The following NADSYN1 variants were observed in gnomAD, a reference collection of about 807,000 sequenced individuals.
NADSYN1 encodes the protein glutamine-dependent NAD(+) synthetase.
NADSYN1 carries 80 observed loss-of-function variants against 99.3 expected under a neutral mutation model. The ratio of observed to expected loss-of-function variants is 0.81; its 90% CI spans 0.67 to 0.97. NADSYN1 has a LOEUF of 0.97. Among genes scored for constraint, NADSYN1 ranks in the 50% least tolerant of loss-of-function variants. NADSYN1 has a pLI of 0.00. For missense variants in NADSYN1, 859 were observed against 948.5 expected (o/e 0.91, Z 1.24); for synonymous variants, 385 against 372.1 (o/e 1.03, Z -0.40).
intron 5 of NADSYN1, among the ~76,000 whole-genome samples, chr11:71,468,002 A>G (rs1949603841): frequency 6.6e-6 from 1 of 152,234 alleles, no homozygotes; most frequent in Non-Finnish European, 1.5e-5. Flanking sequence ...GCAGAGATTC[A>G]GCAGCTAGAG....
chr11:71,494,778 C>A (rs777076420), intron 18 of NADSYN1, among the ~76,000 whole-genome samples: 10 of 152,152 alleles, frequency 6.6e-5, no homozygotes, highest in Non-Finnish European at 1.3e-4. Context: ...TGGTGTCGAA[C>A]TCCCGACCTC....
chr11:71,467,802 A>G (rs1949602581), intron 5 of NADSYN1, among the ~76,000 whole-genome samples: 2 of 152,222 alleles, frequency 1.3e-5, no homozygotes, highest in South Asian at 2.1e-4. Context: ...AAGAGGCGGT[A>G]TTTGAAAGAA....
At chr11:71,477,606 T>C (rs1265632991) in intron 9 of NADSYN1, among the ~76,000 whole-genome samples, 1 of 152,210 alleles carries the variant, frequency 6.6e-6, no homozygotes, top group Non-Finnish European at 1.5e-5. Context: ...CATGAAGGAA[T>C]AACCCCTATG....
intron 5 of NADSYN1, among the ~76,000 whole-genome samples, chr11:71,468,511 T>C (rs2120428422): frequency 6.6e-6 from 1 of 152,110 alleles, no homozygotes; most frequent in South Asian, 2.1e-4. Flanking sequence ...GAACATATGA[T>C]TGTCAAAATA....
At chr11:71,474,673 GC>G in intron 9 of NADSYN1, 147 bp downstream of exon 9, 1 of 1,071,098 alleles carries the variant, frequency 9.3e-7, no homozygotes, top group Non-Finnish European at 1.4e-6. Context: ...TCCCCTGTAA[GC>G]CGGGCGCTTA....
At chr11:71,481,873 A>G in intron 12 of NADSYN1, 50 bp from the exon 13 acceptor site, 1 of 1,539,862 alleles carries the variant, frequency 6.5e-7, no homozygotes, top group Non-Finnish European at 8.9e-7. Context: ...ATCCATGGGC[A>G]TGCTGCTTCT....
intron 6 of NADSYN1, 73 bp from the exon 7 acceptor site, chr11:71,473,205 T>C: frequency 7.3e-7 from 1 of 1,374,900 alleles, no homozygotes; most frequent in African/African-American, 1.4e-5. Context: ...AGGATGTCCG[T>C]GGCCCTAGGT....
intron 9 of NADSYN1, chr11:71,477,452 T>A (rs1485766948): frequency 3.1e-6 from 4 of 1,289,502 alleles, no homozygotes. Flanking sequence ...TGGCCCCCTG[T>A]TACGGCGGTA....
intron 11 of NADSYN1, 160 bp downstream of exon 11, chr11:71,481,039 G>A: frequency 2.0e-6 from 2 of 993,282 alleles, no homozygotes; most frequent in Non-Finnish European, 2.9e-6. Context: ...GTGGATGCTA[G>A]AGCCAGAACC....
intron 18 of NADSYN1, 71 bp from the exon 19 acceptor site, chr11:71,497,412 C>A: frequency 6.2e-7 from 1 of 1,601,106 alleles, no homozygotes; most frequent in South Asian, 1.1e-5. Context: ...TTCCCATCTC[C>A]AAAAGAAGCT....
At position 71,463,490 on chromosome 11, in the gene NADSYN1, GC is replaced by G. The variant is rs1368058745; in HGVS notation, c.317+10del. ...CAGAGTGATATTCCTCAACAGGTAG[GC>G]CCCCTGCCCCCACCCCGGGAGGGTG... On this transcript the variant is annotated splice_donor_region_variant and intron_variant, in intron 4 of 20. Transcript: ENST00000319023. 6.2e-7 allele frequency: 1 copy of G among 1,613,204 alleles called. No individual in the cohort carries two copies. The highest frequency in any genetic ancestry group is 1.1e-5 in the South Asian group (1 of 91,016).
chr11:71,481,722 G>C, intron 12 of NADSYN1: 1 of 605,638 alleles, frequency 1.7e-6, no homozygotes, highest in Non-Finnish European at 2.9e-6. Context: ...GACACGCCCC[G>C]CAGTGAAGTG....
intron 9 of NADSYN1, among the ~76,000 whole-genome samples, chr11:71,478,140 AG>A (rs144742756): frequency 0.031 from 4,729 of 151,986 alleles, 223 homozygotes; most frequent in African/African-American, 0.1. Flanking sequence ...TCTTATTGAC[AG>A]GGTGGTGTCT....
chr11:71,482,649 A>G lies in NADSYN1; in HGVS notation c.1151-200A>G, dbSNP rs1200745673. On this transcript the variant is annotated intron_variant, in intron 13 of 20. Coordinates refer to ENST00000319023, the MANE Select transcript of NADSYN1 (RefSeq NM_018161.5). Reference sequence around the variant, plus strand: ...GGGGTGTAGACCGGGGTGGAGCCGCACAGGCACCTGGGGGTGTAGACTGGG... The same window carrying G: ...GGGGTGTAGACCGGGGTGGAGCCGCGCAGGCACCTGGGGGTGTAGACTGGG... 2.2e-5 allele frequency: 9 copies of G among 409,698 alleles called. No individual in the cohort carries two copies. In the African/African-American group the frequency reaches 2.5e-4, roughly 12 times the overall value. The allele number at this position is 409,698 out of a possible 1,614,324, so 25.4% of individuals were successfully genotyped here.
At chr11:71,498,226 A>C in intron 19 of NADSYN1, 126 bp from the exon 20 acceptor site, 19 of 1,072,106 alleles carry the variant, frequency 1.8e-5, no homozygotes, top group Non-Finnish European at 2.1e-5. Flanking sequence ...CACACCTGCC[A>C]TCGTGGAAGG....
intron 8 of NADSYN1, among the ~76,000 whole-genome samples, 172 bp from the exon 9 acceptor site, chr11:71,474,223 C>G (rs1472709823): frequency 6.6e-6 from 1 of 151,788 alleles, no homozygotes; most frequent in African/African-American, 2.4e-5. Context: ...AGGCGGGGCT[C>G]GCCGCAGCTT....
chr11:71,487,830 C>CAAAA (rs71049984), intron 16 of NADSYN1, among the ~76,000 whole-genome samples: 37,273 of 78,662 alleles, frequency 0.47, 10,214 homozygotes, highest in Non-Finnish European at 0.66. Flanking sequence ...GACTCCGTCT[C>CAAAA]AAAAAAAAAA....
chr11:71,465,104 C>T (rs189562794), intron 5 of NADSYN1, among the ~76,000 whole-genome samples: 1 of 152,076 alleles, frequency 6.6e-6, no homozygotes, highest in East Asian at 1.9e-4. Context: ...ACAGGCAGCA[C>T]AGCAGAGAAG....
At chr11:71,477,069 G>C (rs1171915785) in intron 9 of NADSYN1, 1 of 1,097,972 alleles carries the variant, frequency 9.1e-7, no homozygotes, top group African/African-American at 1.7e-5. Flanking sequence ...CAGAAGTCTT[G>C]TGACACGTGG....
Sources: gnomAD v4.1 joint callset for allele counts (sites outside exome capture counted in the v4.1 genomes callset) on GRCh38, gnomAD v4.1.1 for gene constraint, MANE v1.5 for transcripts, NCBI Gene and HGNC (gene_info 2026-07-23, HGNC 2026-07-21) for gene names.